STAG1: variants seen among roughly 807,000 people sequenced by gnomAD.
STAG1 encodes cohesin subunit SA-1.
In STAG1, 26 loss-of-function variants were observed where a neutral mutation model predicts 170.9. The observed-to-expected ratio is 0.15, with a 90% confidence interval of 0.11 to 0.21. The LOEUF is 0.21. Among genes scored for constraint, STAG1 ranks in the 10% least tolerant of loss-of-function variants. The probability of loss-of-function intolerance (pLI) is 1.00; values close to 1 mark genes in which losing one functional copy is unlikely to be tolerated. For missense variants in STAG1, 964 were observed against 1,509.5 expected (o/e 0.64, Z 5.99); for synonymous variants, 514 against 497.7 (o/e 1.03, Z -0.44).
chr3:136,415,896 C>T (rs978987650), intron 21 of STAG1, among the ~76,000 whole-genome samples: 2 of 152,126 alleles, frequency 1.3e-5, no homozygotes, highest in Admixed American at 1.3e-4. Flanking sequence ...AGATATTTCT[C>T]AGAGCTGCTA....
chr3:136,632,893 T>C (rs1207839850), intron 1 of STAG1, among the ~76,000 whole-genome samples: 1 of 152,124 alleles, frequency 6.6e-6, no homozygotes. Context: ...ACAGAGGGTT[T>C]TTCCCTCTTT....
At chr3:136,638,134 T>C (rs1378585115) in intron 1 of STAG1, among the ~76,000 whole-genome samples, 1 of 151,726 alleles carries the variant, frequency 6.6e-6, no homozygotes, top group Admixed American at 6.6e-5. Context: ...CATTTTCTTT[T>C]TTTTTTTTTG....
rs2089652571 is a variant in STAG1, at chr3:136,472,551, T to C, written c.1126-59A>G. 4 of 1,209,918 alleles carry C rather than the reference T, an allele frequency of 3.3e-6. No individual in the cohort carries two copies. In the Admixed American group the frequency reaches 7.2e-5, roughly 22 times the overall value. 74.9% of individuals were successfully genotyped at this position (1,209,918 alleles called of 1,614,324 possible). A position where few individuals can be genotyped will look rare whatever the true frequency, so the allele number is the denominator to read the frequency against. On this transcript the variant is annotated intron_variant, in intron 11 of 33. Transcript: ENST00000383202. ...TGAACAGAAAATAAGCTGGGACAGA[T>C]CTAATATAATGTATTCTGGGATATA...
chr3:136,710,275 C>T (rs1380460326), intron 1 of STAG1, among the ~76,000 whole-genome samples: 2 of 152,278 alleles, frequency 1.3e-5, no homozygotes, highest in African/African-American at 4.8e-5. Context: ...TGCTTATCAA[C>T]TTTCACACAG....
intron 1 of STAG1, among the ~76,000 whole-genome samples, chr3:136,734,226 T>C (rs1308253107): frequency 6.6e-6 from 1 of 151,826 alleles, no homozygotes; most frequent in Non-Finnish European, 1.5e-5. Context: ...GTGCCCCAAA[T>C]AAGACAGGAA....
chr3:136,656,500 G>C (rs1378126184), intron 1 of STAG1, among the ~76,000 whole-genome samples: 1 of 151,766 alleles, frequency 6.6e-6, no homozygotes, highest in Non-Finnish European at 1.5e-5. Flanking sequence ...TGGTGGCAGA[G>C]GGGTCCCCAG....
intron 28 of STAG1, among the ~76,000 whole-genome samples, chr3:136,351,534 T>C (rs984465239): frequency 6.6e-6 from 1 of 152,150 alleles, no homozygotes; most frequent in African/African-American, 2.4e-5. Flanking sequence ...CTTGAAAGCA[T>C]TCCCCAAGCC....
At chr3:136,737,077 T>G in intron 1 of STAG1, 1 of 1,107,418 alleles carries the variant, frequency 9.0e-7, no homozygotes, top group East Asian at 2.4e-5. Context: ...GGGGTGAAAC[T>G]GAAGTAAGAG....
intron 5 of STAG1, among the ~76,000 whole-genome samples, chr3:136,565,252 C>A (rs962278247): frequency 1.3e-5 from 2 of 152,002 alleles, no homozygotes; most frequent in African/African-American, 4.8e-5. Flanking sequence ...AAAAAGACAA[C>A]CTAGAGAGCG....
chr3:136,539,699 C>T (rs1407421100), intron 6 of STAG1, among the ~76,000 whole-genome samples: 2 of 152,152 alleles, frequency 1.3e-5, no homozygotes, highest in Non-Finnish European at 2.9e-5. Context: ...ATAGATTGCT[C>T]TGGGAAATAA....
At chr3:136,703,844 T>C (rs1218882622) in intron 1 of STAG1, among the ~76,000 whole-genome samples, 1 of 151,860 alleles carries the variant, frequency 6.6e-6, no homozygotes, top group Non-Finnish European at 1.5e-5. Context: ...ACCTGGTCTC[T>C]ACTAAAAATA....
chr3:136,578,743 T>G (rs910576861), intron 4 of STAG1, among the ~76,000 whole-genome samples: 1 of 152,162 alleles, frequency 6.6e-6, no homozygotes, highest in South Asian at 2.1e-4. Context: ...CTTACAGTGG[T>G]CAGGTAATAG....
chr3:136,470,304 C>A (rs753884833), intron 12 of STAG1, among the ~76,000 whole-genome samples: 2 of 152,114 alleles, frequency 1.3e-5, no homozygotes, highest in Non-Finnish European at 2.9e-5. Flanking sequence ...AAACAAACAA[C>A]CCCATCAAAA....
At chr3:136,714,977 TTTTTATATATATA>T in intron 1 of STAG1, among the ~76,000 whole-genome samples, 1 of 105,526 alleles carries the variant, frequency 9.5e-6, no homozygotes, top group South Asian at 2.8e-4. Context: ...TATATATATA[TTTTTATATATATA>T]TTTTATATAT....
intron 7 of STAG1, among the ~76,000 whole-genome samples, chr3:136,520,097 T>A (rs1043611121): frequency 1.3e-5 from 2 of 152,114 alleles, no homozygotes; most frequent in African/African-American, 4.8e-5. Flanking sequence ...TAAAAACATA[T>A]ACACAACTCC....
intron 8 of STAG1, among the ~76,000 whole-genome samples, chr3:136,501,190 CTAAT>C (rs1176581524): frequency 1.3e-5 from 2 of 152,154 alleles, no homozygotes; most frequent in Non-Finnish European, 1.5e-5. Flanking sequence ...CATATAAAAA[CTAAT>C]TAATTTATAA....
chr3:136,495,580 C>T (rs1179678436), intron 9 of STAG1, among the ~76,000 whole-genome samples: 1 of 151,810 alleles, frequency 6.6e-6, no homozygotes, highest in East Asian at 1.9e-4. Context: ...TGTCTGTAAT[C>T]CCAGCACTTT....
intron 3 of STAG1, among the ~76,000 whole-genome samples, chr3:136,611,034 T>C (rs1939249285): frequency 6.6e-6 from 1 of 152,184 alleles, no homozygotes; most frequent in South Asian, 2.1e-4. Context: ...TTTTTCAAAT[T>C]TTAGAATATT....
In STAG1 at chr3:136,398,121, A is replaced by AT. The variant is rs796143474; in HGVS notation, c.2277+627dup. ...AACACCACACCCGGCTAATTTTTGT[A>AT]TTTTTTTTTTTTTCAGACAAGAGTC... On this transcript the variant is annotated intron_variant, in intron 22 of 33. Transcript: ENST00000383202. 4.3e-3 allele frequency among the ~76,000 whole-genome samples: 560 copies of AT among 129,952 alleles called. 2 individuals carry two copies. The highest frequency in any genetic ancestry group is 0.024 in the East Asian group (108 of 4,586). 85.3% of individuals were successfully genotyped at this position (129,952 alleles called of 152,430 possible).
Sources: gnomAD v4.1 joint callset for allele counts (sites outside exome capture counted in the v4.1 genomes callset) on GRCh38, gnomAD v4.1.1 for gene constraint, MANE v1.5 for transcripts, NCBI Gene and HGNC (gene_info 2026-07-23, HGNC 2026-07-21) for gene names.